The following MGLL variants were observed in gnomAD, a reference collection of about 807,000 sequenced individuals.
The protein encoded by MGLL is lysophospholipase homolog.
A neutral mutation model predicts 29.1 loss-of-function variants in MGLL; 7 were observed. The ratio of observed to expected loss-of-function variants is 0.24; its 90% confidence interval spans 0.14 to 0.45. The LOEUF is 0.45. Among genes scored for constraint, MGLL ranks in the 20% least tolerant of loss-of-function variants. The probability of loss-of-function intolerance (pLI) is 0.99; values close to 1 mark genes in which losing one functional copy is unlikely to be tolerated. For synonymous variants in MGLL, 148 were observed against 168.3 expected (o/e 0.88, Z 0.93); for missense variants, 356 against 413.6 (o/e 0.86, Z 1.21).
rs185973269 is a variant in MGLL at position 127,782,553 on chromosome 3, G to A, written c.156-658C>T. On this transcript the variant is annotated intron_variant, in intron 2 of 7. Coordinates refer to ENST00000265052, the MANE Select transcript of MGLL (RefSeq NM_007283.7). ...AATGGCCCAGGCAGAGTGCTGGCGC[G>A]GGGCAGGCAGGTCCTCCACCAGGGC... Among the ~76,000 whole-genome samples the A allele has an allele frequency of 5.7e-3, 873 of 152,292 alleles. 5 individuals carry two copies. Among genetic ancestry groups the A allele is most frequent in the African/African-American group, 0.019 (809 of 41,566 alleles).
intron 3 of MGLL, among the ~76,000 whole-genome samples, chr3:127,738,392 A>G (rs1242559482): frequency 6.6e-6 from 1 of 152,030 alleles, no homozygotes; most frequent in Non-Finnish European, 1.5e-5. Context: ...CAAACACAGG[A>G]GCAAGCCACG....
chr3:127,736,491 C>G (rs1458961696), intron 3 of MGLL: 1 of 332,932 alleles, frequency 3.0e-6, no homozygotes, highest in Non-Finnish European at 4.3e-6. Context: ...TTCATGCATC[C>G]CTGCCCAGGC....
chr3:127,788,572 T>C (rs2077251392), intron 2 of MGLL, among the ~76,000 whole-genome samples: 1 of 152,132 alleles, frequency 6.6e-6, no homozygotes, highest in African/African-American at 2.4e-5. Flanking sequence ...TACCCTACCC[T>C]GTACTGCAAC....
chr3:127,748,680 C>T (rs551368217), intron 3 of MGLL, among the ~76,000 whole-genome samples: 2 of 152,020 alleles, frequency 1.3e-5, no homozygotes, highest in South Asian at 2.1e-4. Flanking sequence ...TCAGAAGGAA[C>T]CAGCCCTAGC....
At chr3:127,806,975 T>C (rs941184457) in intron 2 of MGLL, among the ~76,000 whole-genome samples, 2 of 152,232 alleles carry the variant, frequency 1.3e-5, no homozygotes, top group South Asian at 2.1e-4. Context: ...GATGTCTTTG[T>C]TTACTTTTAT....
At chr3:127,809,897 C>T (rs1024438406) in intron 2 of MGLL, among the ~76,000 whole-genome samples, 2 of 152,152 alleles carry the variant, frequency 1.3e-5, no homozygotes, top group Admixed American at 6.5e-5. Flanking sequence ...GCATCCACCA[C>T]GGAACCACAG....
At chr3:127,744,893 T>C (rs1206319443) in intron 3 of MGLL, among the ~76,000 whole-genome samples, 1 of 152,250 alleles carries the variant, frequency 6.6e-6, no homozygotes, top group Non-Finnish European at 1.5e-5. Context: ...GCAGAACATT[T>C]GATCCTAAAC....
intron 2 of MGLL, among the ~76,000 whole-genome samples, chr3:127,794,552 G>A (rs952473604): frequency 6.6e-6 from 1 of 152,070 alleles, no homozygotes; most frequent in Non-Finnish European, 1.5e-5. Context: ...ATGTAAGGCT[G>A]TCTTCTGTGA....
chr3:127,822,536 G>C (rs964778668), upstream of MGLL: 10 of 597,326 alleles, frequency 1.7e-5, no homozygotes, highest in Non-Finnish European at 3.0e-5. Flanking sequence ...TCCCTCCCCA[G>C]GGCGGGGAGC....
At chr3:127,722,732 T>A (rs1239439477) in intron 3 of MGLL, among the ~76,000 whole-genome samples, 166 bp from the exon 4 acceptor site, 1 of 152,194 alleles carries the variant, frequency 6.6e-6, no homozygotes, top group Non-Finnish European at 1.5e-5. Flanking sequence ...TCTCCCCACT[T>A]TTTATGGATT....
rs141019531 is a variant in MGLL, at chr3:127,767,430, T to G, written c.262+14359A>C. Among the ~76,000 whole-genome samples, 978 of 152,320 alleles carry G rather than the reference T, an allele frequency of 6.4e-3. 18 individuals carry two copies. Among genetic ancestry groups the G allele is most frequent in the African/African-American group, 0.022 (914 of 41,576 alleles). On this transcript the variant is annotated intron_variant, in intron 3 of 7. Coordinates refer to ENST00000265052, the MANE Select transcript of MGLL (RefSeq NM_007283.7). ...GTCATAAAATCCCATATTTCATGGC[T>G]CGTGGCAAGGATCAAATAATTCAAA...
At chr3:127,746,543 T>C (rs1001764444) in intron 3 of MGLL, among the ~76,000 whole-genome samples, 4 of 152,114 alleles carry the variant, frequency 2.6e-5, no homozygotes, top group African/African-American at 9.7e-5. Flanking sequence ...TCTGTTTCAT[T>C]TGGCTCCAGG....
intron 3 of MGLL, among the ~76,000 whole-genome samples, chr3:127,768,421 C>T (rs1461789139): frequency 1.3e-5 from 2 of 152,182 alleles, no homozygotes; most frequent in Admixed American, 1.3e-4. Context: ...ATGCCAAAGC[C>T]CGTGTGTCTA....
At chr3:127,710,815 C>A (rs1161778315) in intron 5 of MGLL, 150 bp from the exon 6 acceptor site, 4 of 722,904 alleles carry the variant, frequency 5.5e-6, no homozygotes, top group African/African-American at 3.5e-5. Context: ...CTTAAGCCTG[C>A]ATGCCCAAGG....
chr3:127,735,652 C>T, intron 3 of MGLL: 1 of 1,535,594 alleles, frequency 6.5e-7, no homozygotes, highest in Non-Finnish European at 8.8e-7. Context: ...CTCCAGTCAC[C>T]TCCTGTCTAC....
At chr3:127,719,609 T>G (rs2075880486) in intron 5 of MGLL, among the ~76,000 whole-genome samples, 1 of 152,190 alleles carries the variant, frequency 6.6e-6, no homozygotes, top group Non-Finnish European at 1.5e-5. Flanking sequence ...TGCTGCTGAG[T>G]CTGGGCCTGC....
rs1361014214 is a variant in MGLL, at chr3:127,735,567, GA to G, written c.263-13002del. The G allele has an allele frequency of 3.3e-6, 3 of 895,794 alleles. No individual in the cohort carries two copies. In the African/African-American group the frequency reaches 5.0e-5, roughly 15 times the overall value. The allele number at this position is 895,794 out of a possible 1,614,324, so 55.5% of individuals were successfully genotyped here. ...AAAAGCAAATATACATATTTTTAGA[GA>G]CTCATACTTATGTGATAAACACATA... On this transcript the variant is annotated intron_variant, in intron 3 of 7. Transcript: ENST00000265052.
intron 2 of MGLL, among the ~76,000 whole-genome samples, chr3:127,800,320 T>C (rs991439615): frequency 2.6e-5 from 4 of 152,158 alleles, no homozygotes; most frequent in Non-Finnish European, 4.4e-5. Context: ...AATTTTGAGG[T>C]CTCTGTGCTC....
chr3:127,791,008 G>A (rs906070999), intron 2 of MGLL, among the ~76,000 whole-genome samples: 22 of 152,244 alleles, frequency 1.4e-4, no homozygotes, highest in African/African-American at 3.9e-4. Flanking sequence ...CATGCCACCC[G>A]TACCACTGAG....
Sources: gnomAD v4.1 joint callset for allele counts (sites outside exome capture counted in the v4.1 genomes callset) on GRCh38, gnomAD v4.1.1 for gene constraint, MANE v1.5 for transcripts, NCBI Gene and HGNC (gene_info 2026-07-23, HGNC 2026-07-21) for gene names.